GSKIP: variants seen among roughly 807,000 people sequenced by gnomAD.
GSKIP encodes GSK3B interacting protein.
Under a neutral mutation model 11.9 loss-of-function variants are expected in GSKIP, and 5 were observed. The ratio of observed to expected loss-of-function variants is 0.42; its 90% CI spans 0.22 to 0.89. The LOEUF (loss-of-function observed/expected upper bound fraction) is 0.89. GSKIP is among the 40% of genes least tolerant of loss of function. The pLI, the probability that GSKIP is intolerant of heterozygous loss-of-function variation, is 0.29. For synonymous variants in GSKIP, 70 were observed against 62.9 expected, an observed-to-expected ratio of 1.11 and a Z score of -0.54; for missense variants, 150 against 166.6, an observed-to-expected ratio of 0.90 and a Z score of 0.55.
intron 1 of GSKIP, among the ~76,000 whole-genome samples, chr14:96,368,184 CTTTT>C (rs398057422): frequency 7.5e-6 from 1 of 133,448 alleles, no homozygotes; most frequent in Admixed American, 7.5e-5. Context: ...TATTGCTACT[CTTTT>C]TTTTTTTTTT....
intron 1 of GSKIP, among the ~76,000 whole-genome samples, chr14:96,366,802 A>G (rs547012354): frequency 6.6e-6 from 1 of 152,362 alleles, no homozygotes; most frequent in East Asian, 1.9e-4. Flanking sequence ...GAATTATGTA[A>G]AAGTTTGAAG....
intron 2 of GSKIP, among the ~76,000 whole-genome samples, 190 bp from the exon 3 acceptor site, chr14:96,382,057 C>T (rs1252412471): frequency 6.6e-6 from 1 of 151,942 alleles, no homozygotes; most frequent in East Asian, 1.9e-4. Flanking sequence ...TTTTGAAGAT[C>T]TATGGGTGTC....
chr14:96,364,170 G>A (rs1475470110), intron 1 of GSKIP: 1 of 152,306 alleles, frequency 6.6e-6, no homozygotes, highest in East Asian at 1.9e-4. Context: ...CTTTTGGGAG[G>A]TAACTCCTGC....
intron 1 of GSKIP, among the ~76,000 whole-genome samples, chr14:96,373,092 C>T (rs995249714): frequency 7.2e-5 from 11 of 151,830 alleles, no homozygotes; most frequent in Admixed American, 3.3e-4. Flanking sequence ...TAGCCAGGCA[C>T]GGTGGTGGCC....
chr14:96,371,898 G>A (rs911048910), intron 1 of GSKIP, among the ~76,000 whole-genome samples: 1 of 151,980 alleles, frequency 6.6e-6, no homozygotes, highest in African/African-American at 2.4e-5. Context: ...TGCCAGACAC[G>A]GTGCCTGAAA....
intron 1 of GSKIP, chr14:96,379,197 G>A (rs1415604032): frequency 6.6e-6 from 1 of 152,254 alleles, no homozygotes; most frequent in Admixed American, 6.5e-5. Context: ...CCAGCTACTC[G>A]GGAGGCTGAG....
chr14:96,364,756 T>C (rs1379846035), intron 1 of GSKIP: 1 of 152,220 alleles, frequency 6.6e-6, no homozygotes, highest in Non-Finnish European at 1.5e-5. Flanking sequence ...CAGTTGATCA[T>C]GTGAACAGTG....
chr14:96,368,843 A>C (rs1888970409), intron 1 of GSKIP, among the ~76,000 whole-genome samples: 1 of 152,124 alleles, frequency 6.6e-6, no homozygotes, highest in African/African-American at 2.4e-5. Context: ...GAAAATTGGT[A>C]CTGAGAGTGG....
intron 1 of GSKIP, among the ~76,000 whole-genome samples, chr14:96,375,249 GAGTAA>G (rs531844736): frequency 6.6e-6 from 1 of 151,970 alleles, no homozygotes; most frequent in Non-Finnish European, 1.5e-5. Flanking sequence ...AAGGAAAAGG[GAGTAA>G]AGTACAGATG....
chr14:96,371,607 G>T (rs1889049882), intron 1 of GSKIP, among the ~76,000 whole-genome samples: 1 of 151,978 alleles, frequency 6.6e-6, no homozygotes, highest in Non-Finnish European at 1.5e-5. Flanking sequence ...ACCACACCTG[G>T]CTAATTTTTT....
chr14:96,370,547 G>A (rs1889017572), intron 1 of GSKIP, among the ~76,000 whole-genome samples: 1 of 150,602 alleles, frequency 6.6e-6, no homozygotes, highest in East Asian at 2.0e-4. Context: ...TCTCATGAAT[G>A]GCCCGGTGTC....
chr14:96,370,531 T>C (rs1167181812), intron 1 of GSKIP, among the ~76,000 whole-genome samples: 2 of 152,042 alleles, frequency 1.3e-5, no homozygotes, highest in South Asian at 2.1e-4. Flanking sequence ...GGGAGAGGTG[T>C]GGATCTCTCA....
At chr14:96,375,039 C>A (rs1889159946) in intron 1 of GSKIP, among the ~76,000 whole-genome samples, 1 of 151,914 alleles carries the variant, frequency 6.6e-6, no homozygotes. Context: ...ACAAAAATAG[C>A]AAATGCTATA....
At chr14:96,369,358 G>A (rs1286688439) in intron 1 of GSKIP, among the ~76,000 whole-genome samples, 1 of 152,232 alleles carries the variant, frequency 6.6e-6, no homozygotes, top group Non-Finnish European at 1.5e-5. Flanking sequence ...GAAGGAAAGA[G>A]CATTTTCAGG....
At chr14:96,368,902 G>T (rs759014864) in intron 1 of GSKIP, among the ~76,000 whole-genome samples, 4 of 152,178 alleles carry the variant, frequency 2.6e-5, no homozygotes, top group Non-Finnish European at 5.9e-5. Flanking sequence ...TTTAGAACTG[G>T]GTAATGGGCA....
At chr14:96,373,775 T>A (rs1889120405) in intron 1 of GSKIP, among the ~76,000 whole-genome samples, 1 of 152,202 alleles carries the variant, frequency 6.6e-6, no homozygotes, top group Non-Finnish European at 1.5e-5. Context: ...TAAACGCAGA[T>A]CTTGTCTAAA....
intron 3 of GSKIP, among the ~76,000 whole-genome samples, chr14:96,384,416 C>T (rs1030244982): frequency 1.3e-5 from 2 of 151,822 alleles, no homozygotes; most frequent in African/African-American, 4.8e-5. Context: ...AACTCAGCTT[C>T]TATTTCTAAC....
intron 3 of GSKIP, among the ~76,000 whole-genome samples, chr14:96,382,972 A>G (rs918133899): frequency 6.6e-6 from 1 of 152,186 alleles, no homozygotes; most frequent in Non-Finnish European, 1.5e-5. Flanking sequence ...CAGATTTCCA[A>G]GAGTGTCCCA....
chr14:96,385,470 C>T lies in GSKIP; in HGVS notation c.259-53C>T, dbSNP rs1251523372. ...TACTCACATAAACACTTGGATTTTGCTTTCTGTACCAACATGAAAACTAAT... is the reference window on the plus strand; with the variant it reads ...TACTCACATAAACACTTGGATTTTGTTTTCTGTACCAACATGAAAACTAAT... On this transcript the variant is annotated intron_variant, in intron 3 of 3. Transcript: ENST00000555181. 1.3e-5 allele frequency: 19 copies of T among 1,474,030 alleles called. No homozygotes were observed. The East Asian group carries it at 4.2e-4, about 33-fold the overall frequency. The allele number at this position is 1,474,030 out of a possible 1,614,324, so 91.3% of individuals were successfully genotyped here.
Sources: allele counts gnomAD v4.1 joint callset (sites outside exome capture counted in the v4.1 genomes callset), GRCh38; gene constraint gnomAD v4.1.1; transcripts MANE v1.5; gene names NCBI Gene and HGNC (gene_info 2026-07-23, HGNC 2026-07-21).